RASA1: variants seen among roughly 807,000 people sequenced by gnomAD.
RASA1 encodes ras GTPase-activating protein 1.
Under a neutral mutation model 132.2 loss-of-function variants are expected in RASA1, and 25 were observed. The observed-to-expected ratio is 0.19, with a 90% CI of 0.14 to 0.26. RASA1 has a LOEUF of 0.26. RASA1 is among the 10% of genes least tolerant of loss of function. RASA1 has a pLI of 1.00. For synonymous variants in RASA1, 477 were observed against 449.9 expected (o/e 1.06, Z -0.76); for missense variants, 964 against 1,299.2 (o/e 0.74, Z 3.97).
Position 87,383,800 on chromosome 5 carries a change from T to C in RASA1, c.2758+20T>C. On this transcript the variant is annotated intron_variant, in intron 21 of 24. Transcript: ENST00000274376. ...TCTCAGGTAATCAGCTTTTGATACA[T>C]TTTGAAATTCAAAATATTAGAATTA... is the stretch of plus-strand genomic sequence containing the variant. 1 of 1,588,268 alleles carries C rather than the reference T, an allele frequency of 6.3e-7. No homozygotes were observed. The highest frequency in any genetic ancestry group is 1.3e-5 in the African/African-American group (1 of 74,374).
intron 1 of RASA1, among the ~76,000 whole-genome samples, chr5:87,317,614 A>G (rs2112323763): frequency 6.6e-6 from 1 of 151,628 alleles, no homozygotes; most frequent in South Asian, 2.1e-4. Flanking sequence ...TTTCCCTAAT[A>G]AGACTGTTTT....
chr5:87,272,872 A>G (rs539466262), intron 1 of RASA1, among the ~76,000 whole-genome samples: 5 of 152,302 alleles, frequency 3.3e-5, no homozygotes, highest in African/African-American at 4.8e-5. Flanking sequence ...AGATATTCAT[A>G]TTTTTAAGTG....
At chr5:87,332,403 GAA>G in intron 2 of RASA1, 102 bp from the exon 3 acceptor site, 1 of 1,205,030 alleles carries the variant, frequency 8.3e-7, no homozygotes, top group South Asian at 1.4e-5. Flanking sequence ...TAGTTACAAG[GAA>G]AAGAGTATGG....
chr5:87,281,726 G>A (rs371821528), intron 1 of RASA1, among the ~76,000 whole-genome samples: 3 of 151,876 alleles, frequency 2.0e-5, no homozygotes, highest in African/African-American at 4.8e-5. Flanking sequence ...GATTACAGGC[G>A]CATGCCACCA....
intron 4 of RASA1, among the ~76,000 whole-genome samples, chr5:87,335,488 C>T (rs1757908593): frequency 7.3e-6 from 1 of 136,288 alleles, no homozygotes; most frequent in South Asian, 2.3e-4. Flanking sequence ...TGCAATGGTG[C>T]CATCTTGGGT....
chr5:87,298,102 T>C (rs1755198924), intron 1 of RASA1, among the ~76,000 whole-genome samples: 1 of 152,060 alleles, frequency 6.6e-6, no homozygotes, highest in Non-Finnish European at 1.5e-5. Context: ...ACTTTTAATC[T>C]TCTTACATGT....
chr5:87,346,573 C>A, intron 6 of RASA1, 99 bp from the exon 7 acceptor site: 2 of 645,782 alleles, frequency 3.1e-6, no homozygotes, highest in Non-Finnish European at 2.6e-6. Context: ...TTTATTTTAT[C>A]ACTTTGAATT....
At chr5:87,336,128 A>G (rs575784268) in intron 4 of RASA1, among the ~76,000 whole-genome samples, 7 of 152,346 alleles carry the variant, frequency 4.6e-5, no homozygotes, top group Admixed American at 1.3e-4. Context: ...ATGGGACTCC[A>G]GCAGTTTTCA....
chr5:87,383,183 G>T (rs1028518969), intron 20 of RASA1, among the ~76,000 whole-genome samples: 1 of 152,226 alleles, frequency 6.6e-6, no homozygotes, highest in East Asian at 1.9e-4. Flanking sequence ...TTTTTCTCTA[G>T]TGCAATGGAT....
chr5:87,272,536 ATTGT>A (rs1000692837), intron 1 of RASA1, among the ~76,000 whole-genome samples: 4 of 150,192 alleles, frequency 2.7e-5, no homozygotes, highest in African/African-American at 9.8e-5. Context: ...TCCTCATATG[ATTGT>A]TTTTTTTTTT....
Position 87,374,240 on chromosome 5 carries a change from C to G in RASA1, c.1854C>G (p.Ile618Met). 6.3e-7 allele frequency: 1 copy of G among 1,596,782 alleles called. No homozygotes were observed. The highest frequency in any genetic ancestry group is 8.5e-7 in the Non-Finnish European group (1 of 1,170,030). Reference sequence around the variant, plus strand: ...ATTTTACTAATCCATATTGTAACATCTACCTGAATAGTGTCCAAGTAGCAA... The same window carrying G: ...ATTTTACTAATCCATATTGTAACATGTACCTGAATAGTGTCCAAGTAGCAA... ...VKHFTNPYCN[I>M]YLNSVQVAKT... is the part of the protein sequence containing the mutation. The change falls in exon 14 of 25, where the codon ATC (isoleucine) becomes ATG (methionine). Residue 618 changes from isoleucine to methionine, a missense_variant. By Grantham distance (10) the Ile-to-Met change is conservative. Around this residue, in one of 6 missense-constraint regions of RASA1, gnomAD observed 346 missense variants for 520.1 expected, o/e 0.67. Coordinates refer to ENST00000274376, the MANE Select transcript of RASA1 (RefSeq NM_002890.3).
In RASA1 at chr5:87,268,720, G is replaced by T. The variant is rs753587259; in HGVS notation, c.269G>T (p.Gly90Val). The T allele has an allele frequency of 1.2e-6, 2 of 1,612,704 alleles. No individual in the cohort carries two copies. The highest frequency in any genetic ancestry group is 1.7e-6 in the Non-Finnish European group (2 of 1,179,432). ...GGGGGAGCTGGACTGACAGGGGGAG[G>T]TACTGCTGCTGGCGTAGCTGGTGCT... ...ALGGAGLTGGGTAAGVAGAAA... is the reference protein window; with the variant it reads ...ALGGAGLTGGVTAAGVAGAAA... Residue 90 changes from glycine to valine, a missense_variant, in exon 1 of 25, where the codon GGT becomes GTT. By Grantham distance (109) the Gly-to-Val change is moderately radical (BLOSUM62 -3). Around this residue, in one of 6 missense-constraint regions of RASA1, gnomAD observed 326 missense variants for 275.8 expected, o/e 1.18. Coordinates refer to ENST00000274376, the MANE Select transcript of RASA1 (RefSeq NM_002890.3).
intron 1 of RASA1, among the ~76,000 whole-genome samples, chr5:87,285,911 G>T (rs1580198881): frequency 6.6e-6 from 1 of 151,850 alleles, no homozygotes; most frequent in African/African-American, 2.4e-5. Flanking sequence ...GAGCCACCGT[G>T]CCCGGCCAGT....
chr5:87,284,671 T>G (rs1754464803), intron 1 of RASA1, among the ~76,000 whole-genome samples: 1 of 152,194 alleles, frequency 6.6e-6, no homozygotes, highest in Non-Finnish European at 1.5e-5. Context: ...TTTGTCATCA[T>G]TAGTAATTAA....
chr5:87,314,884 A>G (rs1025078069), intron 1 of RASA1, among the ~76,000 whole-genome samples: 1 of 152,186 alleles, frequency 6.6e-6, no homozygotes, highest in African/African-American at 2.4e-5. Flanking sequence ...TTATTGTGAT[A>G]CTGGATGAGT....
intron 1 of RASA1, among the ~76,000 whole-genome samples, chr5:87,321,462 C>A (rs1235433007): frequency 1.3e-5 from 2 of 152,332 alleles, no homozygotes; most frequent in African/African-American, 4.8e-5. Context: ...AAGTCTGCAT[C>A]TCTGGAACTT....
At chr5:87,280,325 T>G (rs551873749) in intron 1 of RASA1, among the ~76,000 whole-genome samples, 1 of 152,124 alleles carries the variant, frequency 6.6e-6, no homozygotes, top group Non-Finnish European at 1.5e-5. Context: ...TTCTTTCTTT[T>G]TTTTTTTGAC....
intron 1 of RASA1, among the ~76,000 whole-genome samples, chr5:87,287,005 C>CAT (rs1219310812): frequency 2.9e-5 from 4 of 140,190 alleles, no homozygotes; most frequent in Non-Finnish European, 6.2e-5. Context: ...ATATATATAC[C>CAT]ATATATATAC....
intron 1 of RASA1, among the ~76,000 whole-genome samples, chr5:87,286,043 C>G (rs1580199071): frequency 6.6e-6 from 1 of 152,098 alleles, no homozygotes; most frequent in East Asian, 1.9e-4. Context: ...CGCTCTGTAG[C>G]CCAGGCTGGA....
Sources: gnomAD v4.1 joint callset for allele counts (sites outside exome capture counted in the v4.1 genomes callset) on GRCh38, gnomAD v4.1.1 for gene constraint, gnomAD v4.1.1 regional missense constraint, MANE v1.5 for transcripts, NCBI Gene and HGNC (gene_info 2026-07-23, HGNC 2026-07-21) for gene names.